The following MCCC1 variants were observed in gnomAD, a reference collection of about 807,000 sequenced individuals.
MCCC1 encodes methylcrotonyl-CoA carboxylase subunit 1, also known as methylcrotonoyl-CoA carboxylase subunit alpha, mitochondrial.
MCCC1 carries 64 observed loss-of-function variants against 83.8 expected under a neutral mutation model. The ratio of observed to expected loss-of-function variants is 0.76; its 90% CI spans 0.62 to 0.94. The LOEUF (loss-of-function observed/expected upper bound fraction) is 0.94, where lower values mean the gene tolerates loss of function less well. Among genes scored for constraint, MCCC1 ranks in the 40% least tolerant of loss-of-function variants. MCCC1 has a pLI of 0.00. For synonymous variants in MCCC1, 322 were observed against 315.4 expected, an observed-to-expected ratio of 1.02 and a Z score of -0.22; for missense variants, 807 against 904.7, an observed-to-expected ratio of 0.89 and a Z score of 1.39.
chr3:183,075,545 CTT>C (rs35554340), intron 4 of MCCC1, among the ~76,000 whole-genome samples: 4,804 of 117,206 alleles, frequency 0.041, 285 homozygotes, highest in African/African-American at 0.12. Flanking sequence ...CCTTTGCCCA[CTT>C]TTTTTTTTTT....
At chr3:183,073,575 T>C (rs1331737222) in intron 4 of MCCC1, among the ~76,000 whole-genome samples, 1 of 152,274 alleles carries the variant, frequency 6.6e-6, no homozygotes, top group Non-Finnish European at 1.5e-5. Flanking sequence ...TCTGTTCATG[T>C]CTTCCAATCA....
intron 13 of MCCC1, among the ~76,000 whole-genome samples, chr3:183,035,801 G>C (rs1432993733): frequency 6.6e-6 from 1 of 151,924 alleles, no homozygotes; most frequent in Non-Finnish European, 1.5e-5. Flanking sequence ...TGTGAGAGCT[G>C]AGATTTTGTA....
chr3:183,015,354 G>A lies in MCCC1; in HGVS notation c.*84C>T. ...ATCATTTAGTAAAACTGCTCTTTAT[G>A]AGACCCCCAGAAAAGCTGGAGGCAC... On this transcript the variant is annotated 3_prime_UTR_variant, in exon 19 of 19. Transcript: ENST00000265594. The A allele has an allele frequency of 3.4e-6, 5 of 1,458,060 alleles. No homozygotes were observed. Among genetic ancestry groups the A allele is most frequent in the Non-Finnish European group, 4.8e-6 (5 of 1,039,218 alleles). The allele number at this position is 1,458,060 out of a possible 1,614,324, so 90.3% of individuals were successfully genotyped here. A position where few individuals can be genotyped will look rare whatever the true frequency, so the allele number is the denominator to read the frequency against.
At chr3:183,086,179 C>T (rs933659335) in intron 4 of MCCC1, among the ~76,000 whole-genome samples, 1 of 152,164 alleles carries the variant, frequency 6.6e-6, no homozygotes, top group Non-Finnish European at 1.5e-5. Context: ...ATGACACAGC[C>T]CCTTACTGCC....
upstream of MCCC1, among the ~76,000 whole-genome samples, chr3:183,101,480 T>G (rs2108580782): frequency 6.6e-6 from 1 of 152,230 alleles, no homozygotes; most frequent in East Asian, 1.9e-4. Context: ...ACTCTGTATC[T>G]AGCTGCTCTG....
At chr3:183,093,760 A>G (rs1379163627) in intron 2 of MCCC1, among the ~76,000 whole-genome samples, 1 of 152,140 alleles carries the variant, frequency 6.6e-6, no homozygotes, top group African/African-American at 2.4e-5. Flanking sequence ...CATATGTATG[A>G]GTGTGGGCAG....
chr3:183,023,194 T>C (rs959474258), intron 15 of MCCC1, among the ~76,000 whole-genome samples: 2 of 152,212 alleles, frequency 1.3e-5, no homozygotes, highest in Non-Finnish European at 2.9e-5. Context: ...AAAATTTCCC[T>C]GAGGTAAAAA....
chr3:183,094,650 A>G (rs758616704), intron 1 of MCCC1, 45 bp from the exon 2 acceptor site: 1 of 1,561,584 alleles, frequency 6.4e-7, no homozygotes, highest in South Asian at 1.1e-5. Context: ...CAGAATAGGC[A>G]ACACAATTGT....
At chr3:183,115,677 C>T (rs1719575955) in exon 1 of MCCC1, 2 of 152,096 alleles carry the variant, frequency 1.3e-5, no homozygotes, top group Admixed American at 1.3e-4. Context: ...CATGGTGAAA[C>T]TCCATCTCTA....
intron 3 of MCCC1, among the ~76,000 whole-genome samples, chr3:183,087,105 T>C (rs982999975): frequency 6.6e-6 from 1 of 152,220 alleles, no homozygotes; most frequent in Admixed American, 6.5e-5. Flanking sequence ...AATAATAACC[T>C]TAAATGTATT....
At position 183,034,156 on chromosome 3, in the gene MCCC1, A is replaced by C. The variant is rs1489459522; in HGVS notation, c.1595-79T>G. On this transcript the variant is annotated intron_variant, in intron 13 of 18. Transcript: ENST00000265594. ...TTTACACCTTACAAAAGAAAACATAAAATGCAAGTGCTGGCCGGGCACAGT... is the reference window on the plus strand; with the variant it reads ...TTTACACCTTACAAAAGAAAACATACAATGCAAGTGCTGGCCGGGCACAGT... 16 of 1,053,418 alleles carry C rather than the reference A, an allele frequency of 1.5e-5. No individual in the cohort carries two copies. The East Asian group carries it at 3.6e-4, about 24-fold the overall frequency. 65.3% of individuals were successfully genotyped at this position (1,053,418 alleles called of 1,614,324 possible).
At chr3:183,115,868 AG>A (rs1438668055) in exon 1 of MCCC1, 12 of 152,080 alleles carry the variant, frequency 7.9e-5, no homozygotes, top group African/African-American at 2.9e-4. Context: ...AAAAAAAAAA[AG>A]TCCTAAATGT....
At chr3:183,015,756 C>T (rs972704852) in intron 18 of MCCC1, among the ~76,000 whole-genome samples, 190 bp from the exon 19 acceptor site, 5 of 152,008 alleles carry the variant, frequency 3.3e-5, no homozygotes, top group African/African-American at 1.2e-4. Flanking sequence ...ACAGGGAGAA[C>T]AGTAACAAGT....
intron 16 of MCCC1, among the ~76,000 whole-genome samples, chr3:183,022,119 C>A (rs1304998218): frequency 1.3e-5 from 2 of 152,142 alleles, no homozygotes. Context: ...ATACCACCAC[C>A]CACTGAGCAG....
At chr3:183,079,526 C>T (rs1405998392) in intron 4 of MCCC1, among the ~76,000 whole-genome samples, 1 of 152,184 alleles carries the variant, frequency 6.6e-6, no homozygotes, top group African/African-American at 2.4e-5. Flanking sequence ...GCAGCTCCAA[C>T]CTTGTGGCTT....
chr3:183,034,952 A>C (rs1224908984), intron 13 of MCCC1, among the ~76,000 whole-genome samples: 1 of 151,718 alleles, frequency 6.6e-6, no homozygotes, highest in Non-Finnish European at 1.5e-5. Context: ...TAACTTTTCT[A>C]TTTTTAGTGG....
At chr3:183,074,017 G>C (rs1716884592) in intron 4 of MCCC1, among the ~76,000 whole-genome samples, 1 of 152,170 alleles carries the variant, frequency 6.6e-6, no homozygotes, top group Non-Finnish European at 1.5e-5. Flanking sequence ...ATCCTGGGAG[G>C]GACAAAGCAG....
chr3:183,050,250 T>A (rs886905442), intron 9 of MCCC1, among the ~76,000 whole-genome samples: 1 of 152,112 alleles, frequency 6.6e-6, no homozygotes, highest in East Asian at 1.9e-4. Context: ...AGTCAATAAT[T>A]AATAACCTTC....
chr3:183,076,551 C>T (rs1717088659), intron 4 of MCCC1, among the ~76,000 whole-genome samples: 1 of 152,102 alleles, frequency 6.6e-6, no homozygotes, highest in African/African-American at 2.4e-5. Context: ...TTGTTTGGTC[C>T]TAATATGGTA....
Sources: gnomAD v4.1 joint callset for allele counts (sites outside exome capture counted in the v4.1 genomes callset) on GRCh38, gnomAD v4.1.1 for gene constraint, MANE v1.5 for transcripts, NCBI Gene and HGNC (gene_info 2026-07-23, HGNC 2026-07-21) for gene names.